Variants in ENOX1 observed in about 807,000 individuals in gnomAD.
ENOX1 encodes the protein candidate growth-related and time keeping constitutive hydroquinone (NADH) oxidase.
Under a neutral mutation model 82.5 loss-of-function variants are expected in ENOX1, and 42 were observed. The observed-to-expected ratio is 0.51, with a 90% CI of 0.40 to 0.66. The LOEUF (loss-of-function observed/expected upper bound fraction) is 0.66, where lower values mean the gene tolerates loss of function less well. Ranked by LOEUF, ENOX1 falls within the 30% of genes least tolerant of loss-of-function variation. ENOX1 has a pLI of 0.00. For missense variants in ENOX1, 608 were observed against 811.6 expected (o/e 0.75, Z 3.05); for synonymous variants, 271 against 282.2 (o/e 0.96, Z 0.40).
chr13:43,351,290 T>G (rs1042802889), intron 8 of ENOX1, among the ~76,000 whole-genome samples: 3 of 152,160 alleles, frequency 2.0e-5, no homozygotes, highest in Non-Finnish European at 4.4e-5. Flanking sequence ...AAAACACACA[T>G]GCAATCTCCT....
chr13:43,437,934 T>C (rs1447858413), intron 3 of ENOX1, among the ~76,000 whole-genome samples: 1 of 152,110 alleles, frequency 6.6e-6, no homozygotes, highest in African/African-American at 2.4e-5. Context: ...TTAGATTTTC[T>C]CCAAGGTTAA....
At chr13:43,257,310 TAAAGA>T (rs946750413) in intron 14 of ENOX1, among the ~76,000 whole-genome samples, 33 of 152,298 alleles carry the variant, frequency 2.2e-4, no homozygotes, top group African/African-American at 7.2e-4. Flanking sequence ...GTTCATAGAA[TAAAGA>T]AAAGTGTTTA....
intron 3 of ENOX1, among the ~76,000 whole-genome samples, chr13:43,466,037 T>C (rs1432873969): frequency 6.6e-6 from 1 of 152,212 alleles, no homozygotes; most frequent in Non-Finnish European, 1.5e-5. Context: ...AGGAAGACTA[T>C]AATTCTCATG....
intron 2 of ENOX1, among the ~76,000 whole-genome samples, chr13:43,541,200 C>CTTTTTTTTTTTTTTTTTTTT: frequency 1.4e-3 from 20 of 14,436 alleles, no homozygotes; most frequent in East Asian, 3.9e-3. Context: ...TTTTTTTTTG[C>CTTTTTTTTTTTTTTTTTTTT]TAAAAATGAT....
intron 12 of ENOX1, among the ~76,000 whole-genome samples, chr13:43,281,502 A>G (rs2045381848): frequency 6.6e-6 from 1 of 151,292 alleles, no homozygotes; most frequent in Non-Finnish European, 1.5e-5. Context: ...GAAAATTAAG[A>G]GAAATTAGAG....
At chr13:43,621,523 C>T (rs1476408718) in intron 2 of ENOX1, among the ~76,000 whole-genome samples, 1 of 152,114 alleles carries the variant, frequency 6.6e-6, no homozygotes, top group Non-Finnish European at 1.5e-5. Flanking sequence ...CTTAGTTTCA[C>T]TGGATATAAA....
chr13:43,366,793 C>A (rs1355772606), intron 5 of ENOX1, among the ~76,000 whole-genome samples: 1 of 152,148 alleles, frequency 6.6e-6, no homozygotes, highest in Admixed American at 6.5e-5. Context: ...TTTATAATAT[C>A]TGTAAAATGA....
At chr13:43,305,861 C>T (rs370135302) in intron 11 of ENOX1, among the ~76,000 whole-genome samples, 4 of 152,164 alleles carry the variant, frequency 2.6e-5, no homozygotes, top group South Asian at 2.1e-4. Context: ...TAGAGTCCTC[C>T]GGGAAACACA....
intron 1 of ENOX1, among the ~76,000 whole-genome samples, chr13:43,780,317 C>CAAA (rs56908774): frequency 4.4e-5 from 6 of 135,048 alleles, no homozygotes; most frequent in African/African-American, 1.6e-4. Flanking sequence ...GTTCCCTGGA[C>CAAA]AAAAAAAAAA....
intron 1 of ENOX1, among the ~76,000 whole-genome samples, chr13:43,728,810 G>A (rs2089151639): frequency 6.6e-6 from 1 of 152,136 alleles, no homozygotes; most frequent in South Asian, 2.1e-4. Context: ...AACACAAGCT[G>A]GAGAAAAAAT....
At chr13:43,645,096 T>C (rs1021492836) in intron 2 of ENOX1, among the ~76,000 whole-genome samples, 5 of 152,186 alleles carry the variant, frequency 3.3e-5, no homozygotes, top group Non-Finnish European at 7.3e-5. Context: ...CATTAAGAAT[T>C]TGGCTAAAAA....
intron 2 of ENOX1, among the ~76,000 whole-genome samples, chr13:43,619,779 G>A (rs555742617): frequency 1.3e-5 from 2 of 152,240 alleles, no homozygotes; most frequent in South Asian, 4.2e-4. Flanking sequence ...ATGAATTAGG[G>A]AGGGTTCCTT....
chr13:43,326,836 TATAG>T (rs1051397999), intron 9 of ENOX1, among the ~76,000 whole-genome samples: 25 of 152,324 alleles, frequency 1.6e-4, no homozygotes, highest in Admixed American at 7.8e-4. Context: ...TACCTAGATC[TATAG>T]ATATATAGAC....
At chr13:43,486,019 G>A (rs2076401467) in intron 2 of ENOX1, among the ~76,000 whole-genome samples, 1 of 152,176 alleles carries the variant, frequency 6.6e-6, no homozygotes, top group African/African-American at 2.4e-5. Context: ...GGCCATCCTG[G>A]CTAACACTGT....
At chr13:43,262,857 G>A (rs140851263) in intron 14 of ENOX1, among the ~76,000 whole-genome samples, 51 of 152,234 alleles carry the variant, frequency 3.4e-4, no homozygotes, top group African/African-American at 1.2e-3. Context: ...AATGTACATG[G>A]TTTCATTTAA....
At chr13:43,321,419 T>C (rs1460064133) in intron 11 of ENOX1, among the ~76,000 whole-genome samples, 2 of 152,208 alleles carry the variant, frequency 1.3e-5, no homozygotes, top group African/African-American at 4.8e-5. Flanking sequence ...CTTATGACCA[T>C]CACTCGCACC....
intron 3 of ENOX1, among the ~76,000 whole-genome samples, chr13:43,473,856 T>G (rs1255270057): frequency 6.6e-6 from 1 of 152,158 alleles, no homozygotes; most frequent in Admixed American, 6.6e-5. Flanking sequence ...CCCTGCACTT[T>G]AATGTCTTAT....
At chr13:43,362,999 T>C (rs756642106) in intron 5 of ENOX1, among the ~76,000 whole-genome samples, 1 of 152,192 alleles carries the variant, frequency 6.6e-6, no homozygotes, top group Non-Finnish European at 1.5e-5. Context: ...ACATTCTAGG[T>C]ACTTCCTCTA....
chr13:43,610,811 C>G (rs192526816), intron 2 of ENOX1, among the ~76,000 whole-genome samples: 30 of 151,754 alleles, frequency 2.0e-4, no homozygotes, highest in Admixed American at 5.9e-4. Flanking sequence ...TTGGAAAGCA[C>G]AGTAACAACT....
Sources: gnomAD v4.1 joint callset for allele counts (sites outside exome capture counted in the v4.1 genomes callset) on GRCh38, gnomAD v4.1.1 for gene constraint, MANE v1.5 for transcripts, NCBI Gene and HGNC (gene_info 2026-07-23, HGNC 2026-07-21) for gene names.